The following SORCS3 variants were observed in gnomAD, a reference collection of about 807,000 sequenced individuals.
The protein encoded by SORCS3 is VPS10 domain-containing receptor SorCS3.
In SORCS3, 57 loss-of-function variants were observed where a neutral mutation model predicts 146.3. The ratio of observed to expected loss-of-function variants is 0.39; its 90% CI spans 0.31 to 0.49. The LOEUF is 0.49. Among genes scored for constraint, SORCS3 ranks in the 20% least tolerant of loss-of-function variants. The pLI is 0.92. For missense variants in SORCS3, 1,341 were observed against 1,575.5 expected (o/e 0.85, Z 2.52); for synonymous variants, 653 against 618.5 (o/e 1.06, Z -0.83).
chr10:105,082,075 A>G (rs1564749447), intron 5 of SORCS3, among the ~76,000 whole-genome samples: 1 of 152,236 alleles, frequency 6.6e-6, no homozygotes, highest in Non-Finnish European at 1.5e-5. Flanking sequence ...GGATCAATTG[A>G]TACACTATCC....
chr10:104,873,952 T>C (rs2018544677), intron 2 of SORCS3, among the ~76,000 whole-genome samples: 1 of 152,236 alleles, frequency 6.6e-6, no homozygotes, highest in African/African-American at 2.4e-5. Context: ...GAACTATTCA[T>C]CTGCTCCACT....
intron 1 of SORCS3, among the ~76,000 whole-genome samples, chr10:104,752,899 G>A (rs1043230261): frequency 4.6e-5 from 7 of 151,944 alleles, no homozygotes; most frequent in Admixed American, 2.0e-4. Context: ...AACAACCTTG[G>A]AAAGGGTTTG....
At chr10:105,178,714 T>G (rs2056424088) in intron 14 of SORCS3, among the ~76,000 whole-genome samples, 1 of 152,184 alleles carries the variant, frequency 6.6e-6, no homozygotes, top group African/African-American at 2.4e-5. Flanking sequence ...ATCTTAGAAG[T>G]TGATCACCTG....
intron 5 of SORCS3, among the ~76,000 whole-genome samples, chr10:105,064,335 TC>T (rs1361477977): frequency 1.3e-5 from 2 of 152,144 alleles, no homozygotes; most frequent in Non-Finnish European, 2.9e-5. Flanking sequence ...GTCAGGGCTC[TC>T]CAGAGAGAGA....
At chr10:105,070,156 T>C (rs1307258733) in intron 5 of SORCS3, among the ~76,000 whole-genome samples, 1 of 152,250 alleles carries the variant, frequency 6.6e-6, no homozygotes, top group East Asian at 1.9e-4. Context: ...ATTCCCGAGT[T>C]CTGCTCCATT....
chr10:105,104,842 C>T (rs2077677), intron 6 of SORCS3, among the ~76,000 whole-genome samples: 17,078 of 152,138 alleles, frequency 0.11, 1,061 homozygotes, highest in East Asian at 0.17. Flanking sequence ...TTGAAGCATA[C>T]GTATCCACCG....
chr10:104,871,030 C>T (rs1239694231), intron 2 of SORCS3, among the ~76,000 whole-genome samples: 1 of 152,174 alleles, frequency 6.6e-6, no homozygotes, highest in African/African-American at 2.4e-5. Context: ...CTCATGGGGG[C>T]AGGGATGACC....
chr10:104,783,285 C>T (rs2017395506), intron 1 of SORCS3, among the ~76,000 whole-genome samples: 1 of 152,176 alleles, frequency 6.6e-6, no homozygotes, highest in South Asian at 2.1e-4. Context: ...GTTTCCTGTT[C>T]TCAATAGACT....
chr10:104,755,840 C>T (rs2017044500), intron 1 of SORCS3, among the ~76,000 whole-genome samples: 1 of 152,158 alleles, frequency 6.6e-6, no homozygotes, highest in South Asian at 2.1e-4. Context: ...TCATAATGAT[C>T]AATGTTCCTG....
At chr10:105,209,540 C>T (rs1429000499) in intron 16 of SORCS3, among the ~76,000 whole-genome samples, 1 of 152,046 alleles carries the variant, frequency 6.6e-6, no homozygotes, top group Non-Finnish European at 1.5e-5. Flanking sequence ...TGGCCAAAAA[C>T]AAACAAACAA....
intron 2 of SORCS3, among the ~76,000 whole-genome samples, chr10:104,913,316 T>C (rs10884064): frequency 0.49 from 74,806 of 151,988 alleles, 22,139 homozygotes; most frequent in African/African-American, 0.84. Flanking sequence ...ATTGGTGTGA[T>C]GATGGAAAGG....
intron 2 of SORCS3, among the ~76,000 whole-genome samples, chr10:104,866,074 C>T (rs934229109): frequency 5.3e-5 from 8 of 152,004 alleles, no homozygotes; most frequent in East Asian, 3.9e-4. Context: ...GAACCAAAGA[C>T]GAAAAAGGTC....
chr10:105,215,919 G>A (rs1341680410), intron 18 of SORCS3, among the ~76,000 whole-genome samples: 1 of 127,366 alleles, frequency 7.9e-6, no homozygotes, highest in African/African-American at 3.0e-5. Flanking sequence ...CTTCATATAG[G>A]ATCTTTGTTT....
chr10:105,257,407 A>G lies in SORCS3; in HGVS notation c.3443+483A>G, dbSNP rs182098615. On this transcript the variant is annotated intron_variant, in intron 25 of 26. Coordinates refer to ENST00000369701, the MANE Select transcript of SORCS3 (RefSeq NM_014978.3). ...TAAATTTGCATGCTAAAGATATTCA[A>G]CTACCATCCCTCTCCCTCTTTTTCC... Among the ~76,000 whole-genome samples the G allele has an allele frequency of 1.0e-3, 156 of 152,306 alleles. 1 individual carries two copies. Among genetic ancestry groups the G allele is most frequent in the South Asian group, 0.01 (49 of 4,830 alleles).
At chr10:104,796,401 G>C (rs2017555952) in intron 1 of SORCS3, among the ~76,000 whole-genome samples, 2 of 151,634 alleles carry the variant, frequency 1.3e-5, no homozygotes, top group African/African-American at 4.8e-5. Context: ...GTTTAGGGTA[G>C]AGTGTCTTTA....
intron 23 of SORCS3, 89 bp downstream of exon 23, chr10:105,252,995 G>A (rs544995527): frequency 6.7e-7 from 1 of 1,483,944 alleles, no homozygotes; most frequent in Non-Finnish European, 9.1e-7. Flanking sequence ...AAGGGAGACA[G>A]GCTCTCTTCC....
intron 1 of SORCS3, among the ~76,000 whole-genome samples, chr10:104,765,764 C>T (rs2017172336): frequency 6.6e-6 from 1 of 152,194 alleles, no homozygotes; most frequent in Non-Finnish European, 1.5e-5. Flanking sequence ...CATATTAGCT[C>T]ATTTAATTTT....
At chr10:104,712,000 T>G (rs1465592128) in intron 1 of SORCS3, among the ~76,000 whole-genome samples, 2 of 152,196 alleles carry the variant, frequency 1.3e-5, no homozygotes, top group Non-Finnish European at 2.9e-5. Flanking sequence ...CAAGTTACCA[T>G]TAGTTTTCAG....
chr10:105,106,392 A>G (rs2055821935), intron 7 of SORCS3, among the ~76,000 whole-genome samples: 1 of 152,138 alleles, frequency 6.6e-6, no homozygotes, highest in African/African-American at 2.4e-5. Context: ...CTTTCTATGA[A>G]CTTCCAAGCT....
Sources: allele counts gnomAD v4.1 joint callset (sites outside exome capture counted in the v4.1 genomes callset), GRCh38; gene constraint gnomAD v4.1.1; transcripts MANE v1.5; gene names NCBI Gene and HGNC (gene_info 2026-07-23, HGNC 2026-07-21).